The following DENND4B variants were observed in gnomAD, a reference collection of about 807,000 sequenced individuals.
DENND4B encodes the protein DENN domain containing 4B, also known as DENN domain-containing protein 4B.
In DENND4B, 67 loss-of-function variants were observed where a neutral mutation model predicts 161.0. The ratio of observed to expected loss-of-function variants is 0.42; its 90% CI spans 0.34 to 0.51. The LOEUF is 0.51. Ranked by LOEUF, DENND4B falls within the 20% of genes least tolerant of loss-of-function variation. The pLI, the probability that DENND4B is intolerant of heterozygous loss-of-function variation, is 0.08. For missense variants in DENND4B, 1,481 were observed against 1,968.0 expected, an observed-to-expected ratio of 0.75 and a Z score of 4.68; for synonymous variants, 753 against 813.8, an observed-to-expected ratio of 0.93 and a Z score of 1.27.
At position 153,940,146 on chromosome 1, in the gene DENND4B, G is replaced by A; in HGVS notation, c.1603+10C>T. 1 of 1,552,568 alleles carries A rather than the reference G, an allele frequency of 6.4e-7. No individual in the cohort carries two copies. The highest frequency in any genetic ancestry group is 8.7e-7 in the Non-Finnish European group (1 of 1,151,844). On this transcript the variant is annotated intron_variant, in intron 11 of 27. Coordinates refer to ENST00000361217, the MANE Select transcript of DENND4B (RefSeq NM_014856.3). The surrounding 1 kb of genome is among the most constrained non-coding windows in gnomAD (Gnocchi z 5.6). ...AGTTCCCAGCCTCCCTCCCCACCCA[G>A]GCTTCTCACTCTGGTCCAGCTGCTG...
intron 11 of DENND4B, 92 bp from the exon 12 acceptor site, chr1:153,939,896 T>C: frequency 3.1e-6 from 4 of 1,284,450 alleles, no homozygotes; most frequent in Non-Finnish European, 4.4e-6. Context: ...CTCCAGCCTC[T>C]GGCAGACCTT....
At position 153,932,824 on chromosome 1, in the gene DENND4B, C is replaced by T. The variant is rs1355108017; in HGVS notation, c.3623+37G>A. 1.2e-6 allele frequency: 2 copies of T among 1,613,504 alleles called. No individual in the cohort carries two copies. On this transcript the variant is annotated intron_variant, in intron 22 of 27. Coordinates refer to ENST00000361217, the MANE Select transcript of DENND4B (RefSeq NM_014856.3). The surrounding 1 kb of genome is among the most constrained non-coding windows in gnomAD (Gnocchi z 5.8). ...GGTCAGCTTTTGGACCTTCACCTCC[C>T]TATTCCCACCCACAGCACTTGCCCT...
chr1:153,946,205 G>A lies in DENND4B; in HGVS notation c.-24+96C>T, dbSNP rs868250648. 6.3e-6 allele frequency: 2 copies of A among 316,884 alleles called. No individual in the cohort carries two copies. Among genetic ancestry groups the A allele is most frequent in the Non-Finnish European group, 1.1e-5 (2 of 174,166 alleles). 19.6% of individuals were successfully genotyped at this position (316,884 alleles called of 1,614,324 possible). A position where few individuals can be genotyped will look rare whatever the true frequency, so the allele number is the denominator to read the frequency against. ...AACCGGAACCAGATGTGCAGTGAGG[G>A]ACAGCAGCTGGGGGCCATCCCCCAC... is the stretch of plus-strand genomic sequence containing the variant. On this transcript the variant is annotated intron_variant, in intron 1 of 27. Coordinates refer to ENST00000361217, the MANE Select transcript of DENND4B (RefSeq NM_014856.3). This position sits in a 1 kb window ranked among gnomAD's most constrained non-coding sequence, Gnocchi z 6.3.
intron 2 of DENND4B, among the ~76,000 whole-genome samples, chr1:153,943,556 T>C (rs931740475): frequency 1.3e-5 from 2 of 151,808 alleles, no homozygotes; most frequent in African/African-American, 4.8e-5. Flanking sequence ...CACATGCCTA[T>C]AGTCTCAGCT....
At position 153,942,581 on chromosome 1, in the gene DENND4B, C is replaced by T. The variant is rs1679736881; in HGVS notation, c.615G>A (p.Lys205=). 2 of 1,598,642 alleles carry T rather than the reference C, an allele frequency of 1.3e-6. No homozygotes were observed. Among genetic ancestry groups the T allele is most frequent in the South Asian group, 2.3e-5 (2 of 88,466 alleles). Residue 205 remains lysine (K), a synonymous_variant, in exon 4 of 28, where the codon AAG becomes AAA. Coordinates refer to ENST00000361217, the MANE Select transcript of DENND4B (RefSeq NM_014856.3). The surrounding 1 kb of genome is among the most constrained non-coding windows in gnomAD (Gnocchi z 6.9). ...VYLCYKVGLA[K]ANTLVYEAEL... ...CTGCCTCGTACACCAGCGTGTTGGCCTTCGCCAGGCCCACCTTATAGCACA... is the reference window on the plus strand; with the variant it reads ...CTGCCTCGTACACCAGCGTGTTGGCTTTCGCCAGGCCCACCTTATAGCACA...
Position 153,936,460 on chromosome 1 carries a change from C to T in DENND4B, c.2439+82G>A. On this transcript the variant is annotated intron_variant, in intron 16 of 27. Transcript: ENST00000361217. The surrounding 1 kb of genome is among the most constrained non-coding windows in gnomAD (Gnocchi z 4.1). ...CTGCAACTTCTTTCCTTAGTCTCCA[C>T]CAAGTTTCCCTCTCACAGCCCTCTC... is the stretch of plus-strand genomic sequence containing the variant. The T allele has an allele frequency of 7.0e-7, 1 of 1,421,982 alleles. No homozygotes were observed. The highest frequency in any genetic ancestry group is 9.4e-7 in the Non-Finnish European group (1 of 1,064,344). The allele number at this position is 1,421,982 out of a possible 1,614,324, so 88.1% of individuals were successfully genotyped here.
chr1:153,942,611 C>T lies in DENND4B; in HGVS notation c.585G>A (p.Val195=). The T allele has an allele frequency of 1.3e-6, 2 of 1,594,828 alleles. No homozygotes were observed. ...NLNPGMWGPA[V]YLCYKVGLAK... ...CCAGGCCCACCTTATAGCACAGGTA[C>T]ACTGCTGGGCCCCACTACCCCAGAA... Residue 195 remains valine (V), a synonymous_variant, in exon 4 of 28, where the codon GTG becomes GTA. Transcript: ENST00000361217. The surrounding 1 kb of genome is among the most constrained non-coding windows in gnomAD (Gnocchi z 6.9).
rs768913105 is a variant in DENND4B at position 153,933,306 on chromosome 1, A to G, written c.3344T>C (p.Leu1115Pro). 2 of 1,613,424 alleles carry G rather than the reference A, an allele frequency of 1.2e-6. No individual in the cohort carries two copies. The highest frequency in any genetic ancestry group is 8.5e-7 in the Non-Finnish European group (1 of 1,179,608). Residue 1115 changes from leucine (L) to proline (P), a missense_variant, in exon 21 of 28, where the codon CTG becomes CCG. Around this residue, in one of 3 missense-constraint regions of DENND4B, gnomAD observed 336 missense variants for 503.3 expected, o/e 0.67. Coordinates refer to ENST00000361217, the MANE Select transcript of DENND4B (RefSeq NM_014856.3). The surrounding 1 kb of genome is among the most constrained non-coding windows in gnomAD (Gnocchi z 5.7). The part of the protein sequence containing the change: ...GSTASESSAS[L>P]GSEWDLSESS... The stretch of plus-strand genomic sequence containing the variant: ...TTCTGAGAGGTCCCACTCACTGCCC[A>G]GAGAGGCTGAGCTCTACCATGACAT...
At position 153,944,324 on chromosome 1, in the gene DENND4B, C is replaced by T; in HGVS notation, c.51G>A (p.Gly17=). Residue 17 remains glycine, a synonymous_variant, in exon 2 of 28, where the codon GGG becomes GGA. Coordinates refer to ENST00000361217, the MANE Select transcript of DENND4B (RefSeq NM_014856.3). This position sits in a 1 kb window ranked among gnomAD's most constrained non-coding sequence, Gnocchi z 4.8. ...GGATGGGTGCTCCGTTCCCTGCAAG[C>T]CCAGCTACCACGAAGTAATCCACCA... ...PRLVDYFVVA[G]LAGNGAPIPE... The T allele has an allele frequency of 6.2e-7, 1 of 1,609,016 alleles. No homozygotes were observed.
Position 153,942,588 on chromosome 1 carries a change from A to G in DENND4B, c.608T>C (p.Leu203Pro). The change falls in exon 4 of 28, where the codon CTG becomes CCG. Residue 203 changes from leucine (L) to proline (P), a missense_variant. This residue lies in a region of DENND4B where 806 missense variants were observed against 1,134.4 expected (regional missense o/e 0.71). Coordinates refer to ENST00000361217, the MANE Select transcript of DENND4B (RefSeq NM_014856.3). This position sits in a 1 kb window ranked among gnomAD's most constrained non-coding sequence, Gnocchi z 6.9. ...GTACACCAGCGTGTTGGCCTTCGCC[A>G]GGCCCACCTTATAGCACAGGTACAC... ...PAVYLCYKVG[L>P]AKANTLVYEA... 2.5e-6 allele frequency: 4 copies of G among 1,599,546 alleles called. No individual in the cohort carries two copies. Among genetic ancestry groups the G allele is most frequent in the African/African-American group, 1.3e-5 (1 of 74,752 alleles).
chr1:153,943,912 TACA>T (rs1317876694), intron 2 of DENND4B, 143 bp downstream of exon 2: 1 of 885,812 alleles, frequency 1.1e-6, no homozygotes, highest in Non-Finnish European at 1.6e-6. Flanking sequence ...ACTAAGTACA[TACA>T]ACTTCAGTCC....
rs1679196869 is a variant in DENND4B, at chr1:153,934,433, GT to G, written c.2774-132del. ...GCAAAACTTTATCCGTTTTGTGTTT[GT>G]TTGTTTGTTTGTTTTGTTTTGTTTT... On this transcript the variant is annotated intron_variant, in intron 18 of 27. Coordinates refer to ENST00000361217, the MANE Select transcript of DENND4B (RefSeq NM_014856.3). This position sits in a 1 kb window ranked among gnomAD's most constrained non-coding sequence, Gnocchi z 5.3. 1 of 1,285,532 alleles carries G rather than the reference GT, an allele frequency of 7.8e-7. No homozygotes were observed. The highest frequency in any genetic ancestry group is 1.1e-6 in the Non-Finnish European group (1 of 944,470). The allele number at this position is 1,285,532 out of a possible 1,614,324, so 79.6% of individuals were successfully genotyped here.
chr1:153,931,158 AT>A, intron 24 of DENND4B, 94 bp from the exon 25 acceptor site: 1 of 943,472 alleles, frequency 1.1e-6, no homozygotes, highest in Non-Finnish European at 1.6e-6. Flanking sequence ...ACAGAGGGCC[AT>A]TACAGGACAC....
At chr1:153,941,574 C>G (rs956630251) in intron 6 of DENND4B, 134 bp from the exon 7 acceptor site, 25 of 1,167,742 alleles carry the variant, frequency 2.1e-5, no homozygotes, top group Non-Finnish European at 2.8e-5. Flanking sequence ...CTGTTATCAG[C>G]CAACAGAACC....
chr1:153,942,648 C>A lies in DENND4B; in HGVS notation c.571-23G>T. 6.4e-7 allele frequency: 1 copy of A among 1,571,898 alleles called. No individual in the cohort carries two copies. The highest frequency in any genetic ancestry group is 8.6e-7 in the Non-Finnish European group (1 of 1,160,616). ...CCACTACCCCAGAAATGGCAAGAGA[C>A]AAGCAGATACATAGCTAACAAAGGT... On this transcript the variant is annotated intron_variant, in intron 3 of 27. Coordinates refer to ENST00000361217, the MANE Select transcript of DENND4B (RefSeq NM_014856.3). The surrounding 1 kb of genome is among the most constrained non-coding windows in gnomAD (Gnocchi z 6.9).
chr1:153,944,383 C>A lies in DENND4B; in HGVS notation c.-9G>T, dbSNP rs747670480. On this transcript the variant is annotated 5_prime_UTR_variant, in exon 2 of 28. Coordinates refer to ENST00000361217, the MANE Select transcript of DENND4B (RefSeq NM_014856.3). The surrounding 1 kb of genome is among the most constrained non-coding windows in gnomAD (Gnocchi z 4.8). ...GGCCGCTCCTCCGCCATGGCCCCCC[C>A]CTCACTCACTGCATCTGGAATGGTC... is the stretch of plus-strand genomic sequence containing the variant. The A allele has an allele frequency of 8.8e-6, 14 of 1,599,842 alleles. No individual in the cohort carries two copies. Among genetic ancestry groups the A allele is most frequent in the Admixed American group, 8.6e-5 (5 of 57,870 alleles).
chr1:153,932,134 G>A lies in DENND4B; in HGVS notation c.3996+70C>T, dbSNP rs1678990647. On this transcript the variant is annotated intron_variant, in intron 24 of 27. Coordinates refer to ENST00000361217, the MANE Select transcript of DENND4B (RefSeq NM_014856.3). This position sits in a 1 kb window ranked among gnomAD's most constrained non-coding sequence, Gnocchi z 5.8. ...TCTATGCTCTTTCTACAGTGCCAAG[G>A]ACACAGTGGACAAATGGCTGAGAGA... The A allele has an allele frequency of 2.1e-6, 3 of 1,406,822 alleles. No individual in the cohort carries two copies. 87.1% of individuals were successfully genotyped at this position (1,406,822 alleles called of 1,614,324 possible).
At position 153,942,963 on chromosome 1, in the gene DENND4B, G is replaced by A. The variant is rs1227498185; in HGVS notation, c.485C>T (p.Thr162Ile). The A allele has an allele frequency of 2.5e-6, 4 of 1,613,960 alleles. No individual in the cohort carries two copies. Among genetic ancestry groups the A allele is most frequent in the Non-Finnish European group, 3.4e-6 (4 of 1,179,866 alleles). The change falls in exon 3 of 28, where the codon ACT (threonine) becomes ATT (isoleucine). Residue 162 changes from threonine to isoleucine, a missense_variant. Physicochemically the swap from Thr to Ile is moderately conservative, Grantham distance 89 (BLOSUM62 -1). Around this residue, in one of 3 missense-constraint regions of DENND4B, gnomAD observed 806 missense variants for 1,134.4 expected, o/e 0.71. Transcript: ENST00000361217. This position sits in a 1 kb window ranked among gnomAD's most constrained non-coding sequence, Gnocchi z 6.9. ...EGAGLHALGI[T>I]DLCLVLPSKG... ...ACTGGGCAGCACCAGGCAGAGGTCA[G>A]TGATGCCCAGGGCATGCAGCCCTGC...
At position 153,937,776 on chromosome 1, in the gene DENND4B, G is replaced by T. The variant is rs1320457044; in HGVS notation, c.2053C>A (p.Pro685Thr). The T allele has an allele frequency of 6.2e-7, 1 of 1,613,922 alleles. No homozygotes were observed. The highest frequency in any genetic ancestry group is 1.3e-5 in the African/African-American group (1 of 74,936). ...TCTGGTAAGGCAGGCTCCTCGGGAG[G>T]TGTGATAAAGACAGTGAGCTCACTT... ...SGSELTVFIT[P>T]PEEPALPEGS... The change falls in exon 14 of 28, where the codon CCT becomes ACT. Residue 685 changes from proline (P) to threonine (T), a missense_variant. Transcript: ENST00000361217. This position sits in a 1 kb window ranked among gnomAD's most constrained non-coding sequence, Gnocchi z 4.7.
Sources: gnomAD v4.1 joint callset for allele counts (sites outside exome capture counted in the v4.1 genomes callset) on GRCh38, gnomAD v4.1.1 for gene constraint, gnomAD v4.1.1 regional missense constraint, Gnocchi (gnomAD v3.1) non-coding constraint, MANE v1.5 for transcripts, NCBI Gene and HGNC (gene_info 2026-07-23, HGNC 2026-07-21) for gene names.